Variants in SLC25A26 observed in about 807,000 individuals in gnomAD.
SLC25A26 encodes the protein mitochondrial S-adenosylmethionine carrier protein.
A neutral mutation model predicts 37.8 loss-of-function variants in SLC25A26; 36 were observed. The ratio of observed to expected loss-of-function variants is 0.95; its 90% CI spans 0.73 to 1.26. SLC25A26 has a LOEUF of 1.26. Among genes scored for constraint, SLC25A26 ranks in the 50% most tolerant of loss-of-function variants. The pLI is 0.00. For missense variants in SLC25A26, 390 were observed against 331.1 expected (o/e 1.18, Z -1.38); for synonymous variants, 129 against 122.5 (o/e 1.05, Z -0.35).
chr3:66,303,659 G>A (rs1243843326), intron 5 of SLC25A26, among the ~76,000 whole-genome samples: 1 of 152,192 alleles, frequency 6.6e-6, no homozygotes, highest in Non-Finnish European at 1.5e-5. Flanking sequence ...GTAGATGATT[G>A]TTAGCTTTCT....
chr3:66,321,604 T>C (rs1184680589), intron 5 of SLC25A26, among the ~76,000 whole-genome samples: 1 of 152,184 alleles, frequency 6.6e-6, no homozygotes, highest in Non-Finnish European at 1.5e-5. Flanking sequence ...ACAGGGTACA[T>C]AAAGTAATTA....
chr3:66,178,233 T>G (rs1176235936), intron 1 of SLC25A26, among the ~76,000 whole-genome samples: 1 of 152,178 alleles, frequency 6.6e-6, no homozygotes, highest in Non-Finnish European at 1.5e-5. Context: ...TCTAGGTGGG[T>G]GACTGAGCCC....
At chr3:66,302,107 C>A (rs1021159405) in intron 5 of SLC25A26, among the ~76,000 whole-genome samples, 1 of 152,226 alleles carries the variant, frequency 6.6e-6, no homozygotes, top group South Asian at 2.1e-4. Flanking sequence ...CAAGGCCTAT[C>A]ACTTAGCTTT....
chr3:66,305,270 C>T (rs532279536), intron 5 of SLC25A26, among the ~76,000 whole-genome samples: 1 of 152,216 alleles, frequency 6.6e-6, no homozygotes, highest in East Asian at 1.9e-4. Flanking sequence ...TTAAAGACAA[C>T]AGGAGAACAT....
At chr3:66,328,339 G>C (rs1368931556) in intron 5 of SLC25A26, among the ~76,000 whole-genome samples, 1 of 152,134 alleles carries the variant, frequency 6.6e-6, no homozygotes, top group Admixed American at 6.5e-5. Flanking sequence ...TATGAAAGCT[G>C]GTTCTGTGAG....
chr3:66,371,926 G>A (rs1405163654), intron 9 of SLC25A26, among the ~76,000 whole-genome samples: 1 of 152,104 alleles, frequency 6.6e-6, no homozygotes, highest in Non-Finnish European at 1.5e-5. Context: ...GCAAGACTCT[G>A]TCTCTAAAAA....
chr3:66,356,061 G>A (rs966662126), intron 6 of SLC25A26: 1 of 456,054 alleles, frequency 2.2e-6, no homozygotes, highest in Admixed American at 2.4e-5. Context: ...CTTTTGAATA[G>A]AGCAGCTAAA....
chr3:66,251,052 T>C (rs2073064238), intron 3 of SLC25A26, among the ~76,000 whole-genome samples: 1 of 151,944 alleles, frequency 6.6e-6, no homozygotes, highest in African/African-American at 2.4e-5. Flanking sequence ...GTTTGTTAGG[T>C]GGGTGGGTGC....
At chr3:66,260,302 G>A (rs990443233) in intron 3 of SLC25A26, among the ~76,000 whole-genome samples, 2 of 152,112 alleles carry the variant, frequency 1.3e-5, no homozygotes, top group South Asian at 2.1e-4. Flanking sequence ...GGCTTGTGTG[G>A]TATCTGGCTC....
intron 3 of SLC25A26, among the ~76,000 whole-genome samples, chr3:66,252,802 A>G (rs1306711480): frequency 6.6e-6 from 1 of 152,218 alleles, no homozygotes. Context: ...AGCTATTATT[A>G]TTCCCAGCTA....
At chr3:66,333,373 T>G (rs2076022050) in intron 5 of SLC25A26, among the ~76,000 whole-genome samples, 1 of 152,208 alleles carries the variant, frequency 6.6e-6, no homozygotes, top group Non-Finnish European at 1.5e-5. Context: ...CCATTTGACC[T>G]TCCAGACCAC....
chr3:66,199,116 T>G (rs1430020095), intron 1 of SLC25A26, among the ~76,000 whole-genome samples: 3 of 151,950 alleles, frequency 2.0e-5, no homozygotes, highest in Non-Finnish European at 4.4e-5. Context: ...ACCCTGACAC[T>G]GTCTCTCATC....
At chr3:66,325,099 G>A (rs1333556193) in intron 5 of SLC25A26, among the ~76,000 whole-genome samples, 2 of 152,110 alleles carry the variant, frequency 1.3e-5, no homozygotes, top group African/African-American at 4.8e-5. Context: ...GACAACCCTT[G>A]CCTTATCTTG....
At chr3:66,260,658 C>G (rs1023533809) in intron 3 of SLC25A26, among the ~76,000 whole-genome samples, 4 of 152,156 alleles carry the variant, frequency 2.6e-5, no homozygotes, top group African/African-American at 9.7e-5. Context: ...ATGGGGTGCT[C>G]GGGCTTATAT....
At chr3:66,204,173 C>G (rs2071143989) in intron 1 of SLC25A26, among the ~76,000 whole-genome samples, 1 of 152,090 alleles carries the variant, frequency 6.6e-6, no homozygotes, top group Non-Finnish European at 1.5e-5. Flanking sequence ...CGCCTGTAAT[C>G]CCAGCACTTT....
intron 5 of SLC25A26, among the ~76,000 whole-genome samples, chr3:66,328,501 T>G (rs1034818778): frequency 9.9e-5 from 15 of 152,198 alleles, no homozygotes; most frequent in Non-Finnish European, 1.9e-4. Context: ...ATTTTCATCC[T>G]CTTTCCTTTG....
At chr3:66,305,206 C>T (rs1048899159) in intron 5 of SLC25A26, among the ~76,000 whole-genome samples, 4 of 152,160 alleles carry the variant, frequency 2.6e-5, no homozygotes, top group African/African-American at 4.8e-5. Context: ...GGAGAAGCAG[C>T]GTCTAAATTT....
chr3:66,348,365 C>T (rs1462134693), intron 6 of SLC25A26, among the ~76,000 whole-genome samples: 1 of 152,128 alleles, frequency 6.6e-6, no homozygotes, highest in Non-Finnish European at 1.5e-5. Flanking sequence ...GAATGTTATG[C>T]ATGCGTGCAC....
intron 5 of SLC25A26, among the ~76,000 whole-genome samples, chr3:66,296,066 G>A (rs1046282160): frequency 2.0e-5 from 3 of 152,006 alleles, no homozygotes; most frequent in South Asian, 2.1e-4. Context: ...GCAATGAGCC[G>A]TGATCGCACC....
Sources: gnomAD v4.1 joint callset for allele counts (sites outside exome capture counted in the v4.1 genomes callset) on GRCh38, gnomAD v4.1.1 for gene constraint, MANE v1.5 for transcripts, NCBI Gene and HGNC (gene_info 2026-07-23, HGNC 2026-07-21) for gene names.